Variants in ZCCHC4 observed in about 807,000 individuals in gnomAD.
ZCCHC4 encodes rRNA N(6)-adenosine-methyltransferase ZCCHC4.
ZCCHC4 carries 54 observed loss-of-function variants against 67.7 expected under a neutral mutation model. The ratio of observed to expected loss-of-function variants is 0.80; its 90% CI spans 0.64 to 1.00. ZCCHC4 has a LOEUF of 1.00. ZCCHC4 is among the 50% of genes least tolerant of loss of function. The pLI is 0.00. For missense variants in ZCCHC4, 609 were observed against 617.0 expected (o/e 0.99, Z 0.14); for synonymous variants, 198 against 213.5 (o/e 0.93, Z 0.63).
intron 3 of ZCCHC4, among the ~76,000 whole-genome samples, chr4:25,329,980 G>A (rs895427024): frequency 1.3e-5 from 2 of 151,652 alleles, no homozygotes; most frequent in Admixed American, 1.3e-4. Context: ...TAGACCTTTT[G>A]ATTTTGATTT....
At chr4:25,351,838 A>G in intron 8 of ZCCHC4, 149 bp downstream of exon 8, 1 of 1,000,036 alleles carries the variant, frequency 1.0e-6, no homozygotes, top group South Asian at 2.8e-5. Flanking sequence ...AGTGTTTTCT[A>G]AATATCAGTA....
At chr4:25,363,853 A>G (rs573034861) in intron 10 of ZCCHC4, among the ~76,000 whole-genome samples, 2 of 152,158 alleles carry the variant, frequency 1.3e-5, no homozygotes, top group Non-Finnish European at 2.9e-5. Flanking sequence ...AAGAGGTGTT[A>G]TTTGGAGGGG....
intron 10 of ZCCHC4, 114 bp from the exon 11 acceptor site, chr4:25,364,340 T>C (rs1720861234): frequency 1.3e-6 from 1 of 764,172 alleles, no homozygotes; most frequent in Non-Finnish European, 1.9e-6. Flanking sequence ...AAGGCAGAAA[T>C]AAGGAGTGAA....
At chr4:25,316,564 A>G (rs1200424443) in intron 3 of ZCCHC4, among the ~76,000 whole-genome samples, 7 of 152,322 alleles carry the variant, frequency 4.6e-5, no homozygotes, top group African/African-American at 1.4e-4. Flanking sequence ...TTTTTTATCA[A>G]ATTACTAATG....
intron 5 of ZCCHC4, among the ~76,000 whole-genome samples, chr4:25,335,742 AGAGT>A: frequency 6.6e-6 from 1 of 152,230 alleles, no homozygotes; most frequent in South Asian, 2.1e-4. Context: ...CCTGCACAAC[AGAGT>A]GAGACCCCTG....
At chr4:25,354,087 C>T (rs1339824999) in intron 8 of ZCCHC4, among the ~76,000 whole-genome samples, 1 of 152,104 alleles carries the variant, frequency 6.6e-6, no homozygotes, top group Non-Finnish European at 1.5e-5. Context: ...CCTTAGAAAA[C>T]TGTTACATCC....
In ZCCHC4 at chr4:25,370,302, C is replaced by A. The variant is rs563703278; in HGVS notation, c.*1138C>A. 1.3e-5 allele frequency: 2 copies of A among 152,274 alleles called. 1 individual carries two copies. The highest frequency in any genetic ancestry group is 3.9e-4 in the East Asian group (2 of 5,190). The allele number at this position is 152,274 out of a possible 1,614,324, so 9.4% of individuals were successfully genotyped here. On this transcript the variant is annotated 3_prime_UTR_variant, in exon 13 of 13. Transcript: ENST00000302874. ...GGTCACTCTCTAAAAGCCCCGGTTT[C>A]TTCATTATTATCATTATTATAATGG...
At chr4:25,320,584 AG>A (rs1042054353) in intron 3 of ZCCHC4, among the ~76,000 whole-genome samples, 1 of 152,232 alleles carries the variant, frequency 6.6e-6, no homozygotes, top group Non-Finnish European at 1.5e-5. Flanking sequence ...AATACGAATA[AG>A]GGGGGAAAGC....
intron 5 of ZCCHC4, among the ~76,000 whole-genome samples, chr4:25,335,362 C>T (rs949778940): frequency 4.0e-5 from 6 of 151,484 alleles, no homozygotes; most frequent in East Asian, 1.9e-4. Context: ...GCAGGAGAAT[C>T]GCTTGAACCT....
At chr4:25,320,380 C>T (rs1718518661) in intron 3 of ZCCHC4, among the ~76,000 whole-genome samples, 1 of 151,998 alleles carries the variant, frequency 6.6e-6, no homozygotes, top group Non-Finnish European at 1.5e-5. Flanking sequence ...TTTCAGATCT[C>T]ATTTAAACTG....
chr4:25,362,812 C>CTATT (rs889252874), intron 10 of ZCCHC4, among the ~76,000 whole-genome samples: 4 of 152,096 alleles, frequency 2.6e-5, no homozygotes, highest in Non-Finnish European at 2.9e-5. Flanking sequence ...GGACATCCTC[C>CTATT]TATTTATTTA....
chr4:25,352,392 G>C (rs1298832512), intron 8 of ZCCHC4: 1 of 985,266 alleles, frequency 1.0e-6, no homozygotes, highest in Non-Finnish European at 1.2e-6. Flanking sequence ...CACTGTTTAT[G>C]GTCTTCAGGC....
In ZCCHC4 at chr4:25,333,407, A is replaced by G. The variant is rs2109064824; in HGVS notation, c.554A>G (p.Asp185Gly). The G allele has an allele frequency of 6.2e-7, 1 of 1,614,212 alleles. No homozygotes were observed. Among genetic ancestry groups the G allele is most frequent in the Middle Eastern group, 1.6e-4 (1 of 6,062 alleles). Residue 185 changes from aspartate to glycine, a missense_variant, in exon 4 of 13, where the codon GAC becomes GGC. Asp to Gly is a moderately conservative substitution (Grantham distance 94, BLOSUM62 -1). Coordinates refer to ENST00000302874, the MANE Select transcript of ZCCHC4 (RefSeq NM_024936.3). ...FADRSCQFLV[D>G]LLSALGFRRV... ...GATCGGAGCTGTCAGTTCTTGGTAGACTTACTTTCTGCCCTCGGATTCAGA... is the reference window on the plus strand; with the variant it reads ...GATCGGAGCTGTCAGTTCTTGGTAGGCTTACTTTCTGCCCTCGGATTCAGA...
chr4:25,338,173 C>A (rs1719555925), intron 5 of ZCCHC4, among the ~76,000 whole-genome samples: 1 of 152,138 alleles, frequency 6.6e-6, no homozygotes, highest in Non-Finnish European at 1.5e-5. Context: ...CTCACTGCAG[C>A]CTCAACCTCC....
At chr4:25,344,232 G>A (rs917659896) in intron 5 of ZCCHC4, among the ~76,000 whole-genome samples, 1 of 152,072 alleles carries the variant, frequency 6.6e-6, no homozygotes, top group African/African-American at 2.4e-5. Context: ...GTACTCTCAT[G>A]CACTGCCAAT....
chr4:25,349,657 A>C lies in ZCCHC4; in HGVS notation c.910+15A>C, dbSNP rs768979961. 45 of 1,610,550 alleles carry C rather than the reference A, an allele frequency of 2.8e-5. No individual in the cohort carries two copies. Among genetic ancestry groups the C allele is most frequent in the Non-Finnish European group, 3.7e-5 (44 of 1,177,958 alleles). Reference sequence around the variant, plus strand: ...TCAAAGCCAAGGTGTATAATTTATTACTGCAAAATAAATACATATCTATAT... The same window carrying C: ...TCAAAGCCAAGGTGTATAATTTATTCCTGCAAAATAAATACATATCTATAT... On this transcript the variant is annotated intron_variant, in intron 7 of 12. Coordinates refer to ENST00000302874, the MANE Select transcript of ZCCHC4 (RefSeq NM_024936.3).
intron 3 of ZCCHC4, among the ~76,000 whole-genome samples, chr4:25,320,467 A>G (rs1718523797): frequency 6.6e-6 from 1 of 152,240 alleles, no homozygotes; most frequent in South Asian, 2.1e-4. Context: ...TGGAACATCA[A>G]ATGGAGATCA....
In ZCCHC4 at chr4:25,362,301, G is replaced by A. The variant is rs2109092839; in HGVS notation, c.1209G>A (p.Lys403=). ...AGCTCTGTAATTCTTGCACATCCAAGGTATGGTGTTCTTATAGAATGTATT... is the reference window on the plus strand; with the variant it reads ...AGCTCTGTAATTCTTGCACATCCAAAGTATGGTGTTCTTATAGAATGTATT... ...HCELCNSCTS[K]DGRKWNHCFL... The change falls in exon 10 of 13, where the codon AAG becomes AAA. Residue 403 remains lysine (K), a splice_region_variant and synonymous_variant. Coordinates refer to ENST00000302874, the MANE Select transcript of ZCCHC4 (RefSeq NM_024936.3). 1.3e-6 allele frequency: 2 copies of A among 1,584,400 alleles called. No individual in the cohort carries two copies. The highest frequency in any genetic ancestry group is 4.5e-5 in the East Asian group (2 of 44,604).
At chr4:25,333,724 A>T (rs1471532632) in intron 4 of ZCCHC4, among the ~76,000 whole-genome samples, 184 bp from the exon 5 acceptor site, 2 of 152,246 alleles carry the variant, frequency 1.3e-5, no homozygotes, top group Non-Finnish European at 2.9e-5. Flanking sequence ...TCTGTTTCAG[A>T]TAAGTTCTGC....
Sources: allele counts gnomAD v4.1 joint callset (sites outside exome capture counted in the v4.1 genomes callset), GRCh38; gene constraint gnomAD v4.1.1; transcripts MANE v1.5; gene names NCBI Gene and HGNC (gene_info 2026-07-23, HGNC 2026-07-21).